Variants in DSE observed in about 807,000 individuals in gnomAD.
The protein encoded by DSE is dermatan sulfate epimerase, also known as dermatan-sulfate epimerase.
DSE carries 36 observed loss-of-function variants against 84.4 expected under a neutral mutation model. That is an observed-to-expected ratio of 0.43 (90% CI 0.33 to 0.56). The LOEUF (loss-of-function observed/expected upper bound fraction) is 0.56. Ranked by LOEUF, DSE falls within the 20% of genes least tolerant of loss-of-function variation. The pLI is 0.06. For synonymous variants in DSE, 410 were observed against 430.1 expected (o/e 0.95, Z 0.58); for missense variants, 862 against 1,169.6 (o/e 0.74, Z 3.84).
chr6:116,256,912 T>C (rs1237671840), intron 1 of DSE, among the ~76,000 whole-genome samples: 2 of 152,154 alleles, frequency 1.3e-5, no homozygotes, highest in East Asian at 3.8e-4. Flanking sequence ...AAAAACTACA[T>C]CAGTGACTTA....
intron 2 of DSE, among the ~76,000 whole-genome samples, chr6:116,345,531 C>G (rs144749075): frequency 1.3e-5 from 2 of 151,984 alleles, no homozygotes; most frequent in Non-Finnish European, 2.9e-5. Context: ...GGGTACATAA[C>G]GAAATGAAGG....
At chr6:116,279,777 G>T (rs1391610591) in intron 2 of DSE, 1 of 1,612,758 alleles carries the variant, frequency 6.2e-7, no homozygotes, top group Admixed American at 1.7e-5. Flanking sequence ...CAGAAATAAT[G>T]ATGCTGTGGG....
intron 2 of DSE, among the ~76,000 whole-genome samples, chr6:116,420,572 G>T (rs1783008355): frequency 6.6e-6 from 1 of 152,214 alleles, no homozygotes; most frequent in African/African-American, 2.4e-5. Flanking sequence ...CCTGATGTCA[G>T]ACCTTCAGCT....
chr6:116,276,598 C>A (rs951284494), intron 2 of DSE: 2 of 152,058 alleles, frequency 1.3e-5, no homozygotes, highest in African/African-American at 4.8e-5. Flanking sequence ...CCATTAAGAA[C>A]TTTAATGATT....
At chr6:116,370,795 G>C (rs1476306088), upstream of DSE, 1 of 979,728 alleles carries the variant, frequency 1.0e-6, no homozygotes. Flanking sequence ...GGCCGGGGGA[G>C]GGGGTCCCCG....
intron 2 of DSE, among the ~76,000 whole-genome samples, chr6:116,267,343 T>G (rs751199076): frequency 6.6e-6 from 1 of 152,156 alleles, no homozygotes; most frequent in Non-Finnish European, 1.5e-5. Context: ...GACAAGATGT[T>G]GAGGTAGAAG....
intron 1 of DSE, among the ~76,000 whole-genome samples, chr6:116,376,035 T>C (rs1044044104): frequency 5.3e-5 from 8 of 152,226 alleles, no homozygotes; most frequent in Non-Finnish European, 1.2e-4. Flanking sequence ...TTCATATTAT[T>C]AAAGACTCTA....
chr6:116,324,555 G>A (rs997776264), intron 2 of DSE, among the ~76,000 whole-genome samples: 1 of 152,194 alleles, frequency 6.6e-6, no homozygotes, highest in African/African-American at 2.4e-5. Flanking sequence ...TAGGATAGTT[G>A]CAGCGTACGT....
At chr6:116,290,096 T>C (rs1410638839) in intron 2 of DSE, among the ~76,000 whole-genome samples, 1 of 152,140 alleles carries the variant, frequency 6.6e-6, no homozygotes, top group Non-Finnish European at 1.5e-5. Context: ...GTGACTTGCC[T>C]AAAGTTACAT....
At chr6:116,434,014 A>T (rs1784006395) in intron 5 of DSE, among the ~76,000 whole-genome samples, 2 of 152,232 alleles carry the variant, frequency 1.3e-5, no homozygotes, top group Admixed American at 1.3e-4. Context: ...AAAAAAAGGT[A>T]GTAAAATATT....
At chr6:116,278,216 C>A (rs905282050) in intron 2 of DSE, 6 of 377,800 alleles carry the variant, frequency 1.6e-5, no homozygotes, top group African/African-American at 1.0e-4. Flanking sequence ...AGGGTCCAAG[C>A]AGTGCAGATA....
intron 2 of DSE, among the ~76,000 whole-genome samples, chr6:116,292,510 G>C (rs1774351166): frequency 6.6e-6 from 1 of 152,150 alleles, no homozygotes. Flanking sequence ...GATAGTGTGT[G>C]AGGCCAGTTC....
At chr6:116,433,273 C>T in intron 4 of DSE, 70 bp from the exon 5 acceptor site, 2 of 1,419,362 alleles carry the variant, frequency 1.4e-6, no homozygotes, top group Non-Finnish European at 9.6e-7. Flanking sequence ...TTTGAAAAGT[C>T]ATTGTTTAGA....
At chr6:116,397,207 CTTT>C (rs11296951) in intron 1 of DSE, among the ~76,000 whole-genome samples, 142 of 105,162 alleles carry the variant, frequency 1.4e-3, no homozygotes, top group South Asian at 3.0e-3. Flanking sequence ...CTCTTTCTTT[CTTT>C]TTTTTTTTTT....
Position 116,379,243 on chromosome 6 carries a change from T to A in DSE, c.-54+8122T>A, listed in dbSNP as rs1034037629. On this transcript the variant is annotated intron_variant, in intron 1 of 5. Coordinates refer to ENST00000644252, the MANE Select transcript of DSE (RefSeq NM_013352.4). ...ATAATGGGTCAGTGGGCTTGAAGGA[T>A]GCCAAGAAATGGAGCTCAGCAAAGT... Among the ~76,000 whole-genome samples the A allele has an allele frequency of 4.6e-5, 7 of 152,172 alleles. 1 individual carries two copies. The South Asian group carries it at 1.4e-3, about 32-fold the overall frequency.
exon 2 of DSE, chr6:116,258,831 A>G: frequency 6.2e-7 from 1 of 1,608,464 alleles, no homozygotes; most frequent in East Asian, 2.2e-5. Flanking sequence ...CCTCGAAGGC[A>G]TGCTTGACGA....
chr6:116,345,284 G>A (rs573101499), intron 2 of DSE, among the ~76,000 whole-genome samples: 19 of 152,274 alleles, frequency 1.2e-4, no homozygotes, highest in African/African-American at 4.6e-4. Context: ...GACATCTACA[G>A]AGCTCTTCAC....
intron 2 of DSE, among the ~76,000 whole-genome samples, chr6:116,406,268 C>T (rs1014711948): frequency 1.3e-5 from 2 of 152,156 alleles, no homozygotes; most frequent in Non-Finnish European, 2.9e-5. Flanking sequence ...CAGAGGAGTT[C>T]TCGTCCCTCT....
At chr6:116,261,086 T>A (rs557511568) in intron 2 of DSE, among the ~76,000 whole-genome samples, 54 of 152,362 alleles carry the variant, frequency 3.5e-4, no homozygotes, top group Non-Finnish European at 7.1e-4. Flanking sequence ...AGGACCATTA[T>A]AACAATATTG....
Sources: allele counts gnomAD v4.1 joint callset (sites outside exome capture counted in the v4.1 genomes callset), GRCh38; gene constraint gnomAD v4.1.1; transcripts MANE v1.5; gene names NCBI Gene and HGNC (gene_info 2026-07-23, HGNC 2026-07-21).